RBFOX1: variants seen among roughly 807,000 people sequenced by gnomAD.
RBFOX1 encodes the protein RNA binding protein fox-1 homolog 1.
Under a neutral mutation model 57.7 loss-of-function variants are expected in RBFOX1, and 8 were observed. The observed-to-expected ratio is 0.14, with a 90% CI of 0.08 to 0.25. RBFOX1 has a LOEUF of 0.25. Among genes scored for constraint, RBFOX1 ranks in the 10% least tolerant of loss-of-function variants. The pLI, the probability that RBFOX1 is intolerant of heterozygous loss-of-function variation, is 1.00. For missense variants in RBFOX1, 611 were observed against 548.5 expected (o/e 1.11, Z -1.14); for synonymous variants, 326 against 222.4 (o/e 1.47, Z -4.15).
At chr16:5,830,094 CTA>C in intron 3 of RBFOX1, among the ~76,000 whole-genome samples, 1 of 152,298 alleles carries the variant, frequency 6.6e-6, no homozygotes, top group Admixed American at 6.5e-5. Context: ...CTAGGATTGT[CTA>C]GCATCCATCT....
chr16:6,786,952 G>T (rs951875747), intron 3 of RBFOX1, among the ~76,000 whole-genome samples: 1 of 152,028 alleles, frequency 6.6e-6, no homozygotes, highest in African/African-American at 2.4e-5. Context: ...TTATCTGAAA[G>T]TGTCATGACC....
At chr16:7,557,902 G>C (rs978540224) in intron 5 of RBFOX1, among the ~76,000 whole-genome samples, 2 of 151,916 alleles carry the variant, frequency 1.3e-5, no homozygotes, top group African/African-American at 4.8e-5. Context: ...ACTGAACACA[G>C]AGTTAGGAAA....
chr16:7,632,700 T>TAACA (rs2061170212), intron 11 of RBFOX1, among the ~76,000 whole-genome samples: 1 of 152,230 alleles, frequency 6.6e-6, no homozygotes, highest in Non-Finnish European at 1.5e-5. Flanking sequence ...TTTTTTTCTC[T>TAACA]AACATTGCGG....
At chr16:6,364,196 G>C (rs2534751) in intron 2 of RBFOX1, among the ~76,000 whole-genome samples, 1 of 152,262 alleles carries the variant, frequency 6.6e-6, no homozygotes, top group Non-Finnish European at 1.5e-5. Flanking sequence ...TTTTCAAATT[G>C]CATGCTTCGA....
intron 10 of RBFOX1, among the ~76,000 whole-genome samples, chr16:7,622,570 T>C (rs1467400656): frequency 1.3e-5 from 2 of 152,142 alleles, no homozygotes; most frequent in African/African-American, 4.8e-5. Context: ...CCAAAAAGTC[T>C]CAAGTTATGT....
intron 1 of RBFOX1, among the ~76,000 whole-genome samples, chr16:6,209,650 A>G (rs1368116774): frequency 6.6e-6 from 1 of 152,230 alleles, no homozygotes; most frequent in African/African-American, 2.4e-5. Context: ...TTTTCTCCTG[A>G]GACCTTCTGA....
At chr16:5,857,329 C>G (rs1010412604) in intron 3 of RBFOX1, among the ~76,000 whole-genome samples, 1 of 152,048 alleles carries the variant, frequency 6.6e-6, no homozygotes, top group African/African-American at 2.4e-5. Flanking sequence ...ATAACTGTAA[C>G]AGATGTAATA....
In RBFOX1 at chr16:6,686,618, C is replaced by G. The variant is rs566399990; in HGVS notation, c.-16+31968C>G. 2.7e-3 allele frequency among the ~76,000 whole-genome samples: 407 copies of G among 152,278 alleles called. 2 individuals carry two copies. The highest frequency in any genetic ancestry group is 5.1e-3 in the Non-Finnish European group (344 of 68,012). Reference sequence around the variant, plus strand: ...TGAGACAGCAGTGGAGTTGATAGAGCTTCCCCCGAAAGCACAGGTATCTCT... The same window carrying G: ...TGAGACAGCAGTGGAGTTGATAGAGGTTCCCCCGAAAGCACAGGTATCTCT... On this transcript the variant is annotated intron_variant, in intron 3 of 15. Transcript: ENST00000550418.
intron 2 of RBFOX1, among the ~76,000 whole-genome samples, chr16:6,582,382 C>T (rs893945848): frequency 6.6e-6 from 1 of 151,742 alleles, no homozygotes; most frequent in Non-Finnish European, 1.5e-5. Flanking sequence ...ATTAATGATG[C>T]TGACATAATG....
chr16:7,191,653 A>C (rs985102616), intron 4 of RBFOX1, among the ~76,000 whole-genome samples: 1 of 152,242 alleles, frequency 6.6e-6, no homozygotes, highest in African/African-American at 2.4e-5. Flanking sequence ...ATATCATTAC[A>C]GTGCGTGTTT....
At chr16:5,662,090 C>T (rs774759097) in intron 3 of RBFOX1, among the ~76,000 whole-genome samples, 6 of 152,100 alleles carry the variant, frequency 3.9e-5, no homozygotes, top group Non-Finnish European at 7.4e-5. Context: ...CCGGCCAAAA[C>T]TTAGACATCT....
At chr16:5,310,553 TG>T (rs1000082845) in intron 1 of RBFOX1, among the ~76,000 whole-genome samples, 1 of 152,216 alleles carries the variant, frequency 6.6e-6, no homozygotes, top group Non-Finnish European at 1.5e-5. Flanking sequence ...TAATTGTACC[TG>T]TCCAGGTCAT....
At chr16:5,752,647 G>A (rs2053250680) in intron 3 of RBFOX1, among the ~76,000 whole-genome samples, 1 of 152,124 alleles carries the variant, frequency 6.6e-6, no homozygotes, top group South Asian at 2.1e-4. Context: ...AAAGGTTTCA[G>A]AAAAGGATGG....
chr16:6,611,446 C>T (rs929696366), intron 2 of RBFOX1, among the ~76,000 whole-genome samples: 8 of 152,274 alleles, frequency 5.3e-5, no homozygotes, highest in East Asian at 1.9e-4. Flanking sequence ...TGTGCCTGGC[C>T]GTCTTCATCT....
At chr16:5,977,426 C>G (rs570952715) in intron 4 of RBFOX1, among the ~76,000 whole-genome samples, 2 of 152,120 alleles carry the variant, frequency 1.3e-5, no homozygotes, top group East Asian at 1.9e-4. Context: ...TAATGCTCCC[C>G]CAGGGAAACC....
chr16:6,111,349 G>A (rs1249962129), intron 1 of RBFOX1, among the ~76,000 whole-genome samples: 3 of 152,140 alleles, frequency 2.0e-5, no homozygotes, highest in African/African-American at 7.2e-5. Context: ...GTTTTATGGT[G>A]AACTGGGATG....
chr16:6,899,852 T>G (rs1249884432), intron 3 of RBFOX1, among the ~76,000 whole-genome samples: 1 of 152,130 alleles, frequency 6.6e-6, no homozygotes, highest in African/African-American at 2.4e-5. Flanking sequence ...CGTTAGTAAA[T>G]AATAGTAGGG....
At chr16:6,824,359 TCATGC>T (rs2091817232) in intron 3 of RBFOX1, among the ~76,000 whole-genome samples, 1 of 152,160 alleles carries the variant, frequency 6.6e-6, no homozygotes, top group South Asian at 2.1e-4. Context: ...TGAGCTGAGA[TCATGC>T]TACAGCATGC....
At chr16:5,267,837 T>A (rs1209975953) in intron 1 of RBFOX1, among the ~76,000 whole-genome samples, 1 of 152,122 alleles carries the variant, frequency 6.6e-6, no homozygotes, top group Non-Finnish European at 1.5e-5. Context: ...ATCCCAGCAC[T>A]TTGGGAGGCC....
Sources: allele counts gnomAD v4.1 joint callset (sites outside exome capture counted in the v4.1 genomes callset), GRCh38; gene constraint gnomAD v4.1.1; transcripts MANE v1.5; gene names NCBI Gene and HGNC (gene_info 2026-07-23, HGNC 2026-07-21).